The following ATP8A2 variants were observed in gnomAD, a reference collection of about 807,000 sequenced individuals.
ATP8A2 encodes ATPase phospholipid transporting 8A2.
A neutral mutation model predicts 165.6 loss-of-function variants in ATP8A2; 100 were observed. The ratio of observed to expected loss-of-function variants is 0.60; its 90% CI spans 0.51 to 0.71. The LOEUF (loss-of-function observed/expected upper bound fraction) is 0.71. Among genes scored for constraint, ATP8A2 ranks in the 30% least tolerant of loss-of-function variants. ATP8A2 has a pLI of 0.00. For synonymous variants in ATP8A2, 543 were observed against 548.8 expected (o/e 0.99, Z 0.15); for missense variants, 1,227 against 1,479.5 (o/e 0.83, Z 2.80).
At chr13:25,781,591 C>T (rs778335712) in intron 27 of ATP8A2, among the ~76,000 whole-genome samples, 2 of 151,988 alleles carry the variant, frequency 1.3e-5, no homozygotes, top group African/African-American at 2.4e-5. Flanking sequence ...CAGGTTCAAG[C>T]GATTCTCCTA....
At chr13:25,385,360 G>T (rs902073568) in intron 1 of ATP8A2, among the ~76,000 whole-genome samples, 4 of 152,138 alleles carry the variant, frequency 2.6e-5, no homozygotes, top group African/African-American at 9.7e-5. Flanking sequence ...TATCTTTGGG[G>T]AAGTTACCTA....
At chr13:25,922,970 G>A (rs1167809059) in intron 33 of ATP8A2, among the ~76,000 whole-genome samples, 1 of 152,164 alleles carries the variant, frequency 6.6e-6, no homozygotes, top group Non-Finnish European at 1.5e-5. Context: ...GCGCCATGTT[G>A]ATCCAGAACT....
At chr13:25,531,307 GAT>G (rs570476612) in intron 4 of ATP8A2, among the ~76,000 whole-genome samples, 7 of 111,072 alleles carry the variant, frequency 6.3e-5, no homozygotes, top group Middle Eastern at 4.9e-3. Context: ...TGTTATATAT[GAT>G]ATATATGTTA....
intron 33 of ATP8A2, among the ~76,000 whole-genome samples, chr13:25,872,610 A>G (rs764109393): frequency 7.9e-5 from 12 of 152,144 alleles, no homozygotes; most frequent in Non-Finnish European, 1.5e-4. Context: ...GGTAGAAGCG[A>G]ATTGTTTGAA....
At chr13:25,771,616 G>A (rs547456725) in intron 26 of ATP8A2, among the ~76,000 whole-genome samples, 54 of 152,296 alleles carry the variant, frequency 3.5e-4, no homozygotes, top group African/African-American at 1.2e-3. Context: ...AGCAGGGAGC[G>A]AGGCTTTAAA....
rs1254730817 is a variant in ATP8A2 at position 26,020,334 on chromosome 13, G to A, written c.*349G>A. On this transcript the variant is annotated 3_prime_UTR_variant, in exon 37 of 37. Coordinates refer to ENST00000381655, the MANE Select transcript of ATP8A2 (RefSeq NM_016529.6). ...GTTGTCCTGGGAGAAAGGGAAAGGA[G>A]TTTTATGTTGCGTGAGAGGCCCATC... 13 of 237,532 alleles carry A rather than the reference G, an allele frequency of 5.5e-5. No homozygotes were observed. Among genetic ancestry groups the A allele is most frequent in the Non-Finnish European group, 1.1e-4 (13 of 123,280 alleles). The allele number at this position is 237,532 out of a possible 1,614,324, so 14.7% of individuals were successfully genotyped here. A position where few individuals can be genotyped will look rare whatever the true frequency, so the allele number is the denominator to read the frequency against.
chr13:25,806,214 T>G, intron 27 of ATP8A2, among the ~76,000 whole-genome samples: 1 of 152,094 alleles, frequency 6.6e-6, no homozygotes, highest in Admixed American at 6.5e-5. Context: ...CCGATAAGAC[T>G]TAGGAATATT....
chr13:25,785,729 A>G (rs1358098584), intron 27 of ATP8A2, among the ~76,000 whole-genome samples: 3 of 152,212 alleles, frequency 2.0e-5, no homozygotes, highest in Non-Finnish European at 2.9e-5. Flanking sequence ...GATTTCAGTA[A>G]TAACTGCTTT....
chr13:25,420,548 G>A (rs955806783), intron 1 of ATP8A2, among the ~76,000 whole-genome samples: 1 of 152,206 alleles, frequency 6.6e-6, no homozygotes, highest in South Asian at 2.1e-4. Context: ...TAATTGAAAT[G>A]AGCTTCATAT....
intron 24 of ATP8A2, among the ~76,000 whole-genome samples, chr13:25,614,547 G>C (rs2040772238): frequency 6.6e-6 from 1 of 152,120 alleles, no homozygotes; most frequent in Admixed American, 6.6e-5. Flanking sequence ...CTATGAGCTA[G>C]TGTGATCTTT....
rs529117047 is a variant in ATP8A2 at position 25,575,184 on chromosome 13, C to T, written c.1712+327C>T. Among the ~76,000 whole-genome samples the T allele has an allele frequency of 3.9e-5, 6 of 152,300 alleles. No homozygotes were observed. The East Asian group carries it at 5.8e-4, about 15-fold the overall frequency. On this transcript the variant is annotated intron_variant, in intron 19 of 36. Transcript: ENST00000381655. ...GAGCATGTGATGGGGGCATTATTTT[C>T]ATTGGCGTTTCCCAAGTCCCATGAG...
At chr13:25,917,152 G>GT (rs1208425821) in intron 33 of ATP8A2, among the ~76,000 whole-genome samples, 1 of 152,174 alleles carries the variant, frequency 6.6e-6, no homozygotes, top group African/African-American at 2.4e-5. Context: ...GAATTTTAGA[G>GT]TCTTTGTCTT....
intron 5 of ATP8A2, among the ~76,000 whole-genome samples, chr13:25,532,785 G>A (rs545616698): frequency 2.2e-4 from 33 of 152,160 alleles, no homozygotes; most frequent in African/African-American, 7.0e-4. Flanking sequence ...TCCCACCTCA[G>A]CCTCTTGAGT....
intron 10 of ATP8A2, among the ~76,000 whole-genome samples, chr13:25,549,166 A>C (rs1401790589): frequency 6.6e-6 from 1 of 152,060 alleles, no homozygotes; most frequent in East Asian, 1.9e-4. Flanking sequence ...TGTCTCTTAA[A>C]AGTCCGGGCC....
intron 31 of ATP8A2, among the ~76,000 whole-genome samples, chr13:25,860,520 G>A (rs570034949): frequency 2.0e-5 from 3 of 152,244 alleles, no homozygotes; most frequent in East Asian, 3.9e-4. Context: ...ACCTGCAAAG[G>A]AAAACAACAC....
intron 24 of ATP8A2, among the ~76,000 whole-genome samples, chr13:25,592,966 A>G (rs1450467441): frequency 6.6e-6 from 1 of 152,124 alleles, no homozygotes; most frequent in Non-Finnish European, 1.5e-5. Flanking sequence ...TGCACTTTCT[A>G]TGTACTGTTT....
intron 27 of ATP8A2, among the ~76,000 whole-genome samples, chr13:25,827,219 C>T (rs1357533493): frequency 6.6e-6 from 1 of 152,216 alleles, no homozygotes; most frequent in Non-Finnish European, 1.5e-5. Context: ...AAGCGATTCT[C>T]CTGCCTCAGA....
At chr13:25,737,706 G>A (rs753360724) in intron 25 of ATP8A2, among the ~76,000 whole-genome samples, 7 of 151,406 alleles carry the variant, frequency 4.6e-5, no homozygotes, top group Admixed American at 2.0e-4. Flanking sequence ...TTTTTGAGAC[G>A]GAGTCTCACT....
intron 10 of ATP8A2, 130 bp downstream of exon 10, chr13:25,543,532 C>G (rs947567384): frequency 4.5e-5 from 26 of 573,368 alleles, no homozygotes; most frequent in Middle Eastern, 6.6e-4. Context: ...AAAGAACTGC[C>G]TTTATTTTAG....
Sources: allele counts gnomAD v4.1 joint callset (sites outside exome capture counted in the v4.1 genomes callset), GRCh38; gene constraint gnomAD v4.1.1; transcripts MANE v1.5; gene names NCBI Gene and HGNC (gene_info 2026-07-23, HGNC 2026-07-21).